The following SULT2B1 variants were observed in gnomAD, a reference collection of about 807,000 sequenced individuals.
SULT2B1 encodes sulfotransferase 2B1.
A neutral mutation model predicts 33.2 loss-of-function variants in SULT2B1; 16 were observed. The observed-to-expected ratio is 0.48, with a 90% CI of 0.33 to 0.73. The LOEUF is 0.73. Ranked by LOEUF, SULT2B1 falls within the 30% of genes least tolerant of loss-of-function variation. SULT2B1 has a pLI of 0.02. For synonymous variants in SULT2B1, 186 were observed against 200.5 expected, an observed-to-expected ratio of 0.93 and a Z score of 0.61; for missense variants, 500 against 506.0, an observed-to-expected ratio of 0.99 and a Z score of 0.11.
intron 1 of SULT2B1, among the ~76,000 whole-genome samples, chr19:48,555,682 C>T (rs1173868419): frequency 1.3e-5 from 2 of 152,010 alleles, no homozygotes; most frequent in African/African-American, 2.4e-5. Context: ...TCAAGTGATT[C>T]TCTTGCCTCA....
At chr19:48,560,727 G>C in intron 1 of SULT2B1, among the ~76,000 whole-genome samples, 1 of 152,052 alleles carries the variant, frequency 6.6e-6, no homozygotes, top group Non-Finnish European at 1.5e-5. Flanking sequence ...TTGGGAAGCC[G>C]AGACGTGTGG....
intron 1 of SULT2B1, among the ~76,000 whole-genome samples, chr19:48,564,963 G>C (rs1973226802): frequency 6.6e-6 from 1 of 151,902 alleles, no homozygotes. Context: ...GCTAATTTTT[G>C]TATTTTTAGT....
At chr19:48,561,815 T>C (rs559261427) in intron 1 of SULT2B1, among the ~76,000 whole-genome samples, 31 of 152,128 alleles carry the variant, frequency 2.0e-4, no homozygotes, top group Non-Finnish European at 3.7e-4. Flanking sequence ...CACTCCCCTC[T>C]TCTCCAAAAT....
At chr19:48,564,282 A>G (rs115235128) in intron 1 of SULT2B1, among the ~76,000 whole-genome samples, 1,596 of 151,522 alleles carry the variant, frequency 0.011, 25 homozygotes, top group African/African-American at 0.037. Context: ...GGTCGGGTGC[A>G]GTGGCTCACG....
At chr19:48,575,365 C>G (rs1200551656) in intron 1 of SULT2B1, among the ~76,000 whole-genome samples, 1 of 151,224 alleles carries the variant, frequency 6.6e-6, no homozygotes, top group African/African-American at 2.4e-5. Flanking sequence ...ACCTCCACCT[C>G]CTGACCTCGT....
chr19:48,573,023 G>A (rs1486823618), intron 1 of SULT2B1, among the ~76,000 whole-genome samples: 2 of 152,076 alleles, frequency 1.3e-5, no homozygotes, highest in Middle Eastern at 3.4e-3. Context: ...TGGGCGTGAC[G>A]ACAGGCACCT....
At chr19:48,582,913 G>A (rs1274016600) in intron 2 of SULT2B1, among the ~76,000 whole-genome samples, 1 of 150,234 alleles carries the variant, frequency 6.7e-6, no homozygotes, top group Admixed American at 6.6e-5. Context: ...AGCACTTTGG[G>A]AGGCCAAGGC....
At position 48,587,446 on chromosome 19, in the gene SULT2B1, G is replaced by A. The variant is rs1473574220; in HGVS notation, c.423+9G>A. ...TCAGCTCCAAGGCCAAGGTTGGGAG[G>A]AGGGGTGTGTGTCAGTTGGGAGGGG... On this transcript the variant is annotated intron_variant, in intron 3 of 6. Coordinates refer to ENST00000201586, the MANE Select transcript of SULT2B1 (RefSeq NM_177973.2). 1.9e-6 allele frequency: 3 copies of A among 1,614,014 alleles called. No individual in the cohort carries two copies. The African/African-American group carries it at 4.0e-5, about 22-fold the overall frequency.
chr19:48,564,037 A>T (rs1973212557), intron 1 of SULT2B1, among the ~76,000 whole-genome samples: 1 of 151,680 alleles, frequency 6.6e-6, no homozygotes, highest in African/African-American at 2.4e-5. Flanking sequence ...AAGTCAGGAG[A>T]TCGAGACCAT....
intron 2 of SULT2B1, among the ~76,000 whole-genome samples, chr19:48,581,819 C>A (rs572943329): frequency 6.6e-6 from 1 of 151,400 alleles, no homozygotes; most frequent in South Asian, 2.1e-4. Context: ...CAAATATTTT[C>A]TCCCAATCTA....
intron 1 of SULT2B1, among the ~76,000 whole-genome samples, chr19:48,561,671 G>A (rs919952130): frequency 1.3e-5 from 2 of 152,116 alleles, no homozygotes; most frequent in Admixed American, 6.6e-5. Flanking sequence ...TGGCAGCCCA[G>A]CTACAGTGGG....
intron 2 of SULT2B1, among the ~76,000 whole-genome samples, chr19:48,579,902 C>T (rs1973463939): frequency 6.6e-6 from 1 of 151,792 alleles, no homozygotes; most frequent in African/African-American, 2.4e-5. Context: ...CCACTGCTCT[C>T]GGCCTTGCAT....
At chr19:48,598,468 TGTAATCCCA>T (rs1351530289) in intron 6 of SULT2B1, among the ~76,000 whole-genome samples, 3 of 152,094 alleles carry the variant, frequency 2.0e-5, no homozygotes, top group African/African-American at 7.2e-5. Flanking sequence ...GGTGCGTGCC[TGTAATCCCA>T]GTTACTCGGG....
chr19:48,576,191 G>T, intron 2 of SULT2B1, 108 bp downstream of exon 2: 3 of 1,053,008 alleles, frequency 2.8e-6, no homozygotes, highest in Admixed American at 4.1e-5. Context: ...AGTGGGGCCG[G>T]GTCTGTTCAG....
At chr19:48,571,980 G>T (rs1053263359) in intron 1 of SULT2B1, among the ~76,000 whole-genome samples, 2 of 152,180 alleles carry the variant, frequency 1.3e-5, no homozygotes, top group Non-Finnish European at 2.9e-5. Flanking sequence ...AACCTCTCTG[G>T]GCCTCCATTT....
intron 2 of SULT2B1, among the ~76,000 whole-genome samples, chr19:48,578,051 T>TA (rs34622126): frequency 2.5e-4 from 37 of 149,180 alleles, no homozygotes; most frequent in South Asian, 1.9e-3. Flanking sequence ...ACCCCATCTC[T>TA]AAAAAAAAAA....
chr19:48,591,917 C>T (rs1034107570), intron 4 of SULT2B1, among the ~76,000 whole-genome samples, 182 bp downstream of exon 4: 5 of 151,682 alleles, frequency 3.3e-5, no homozygotes, highest in South Asian at 2.1e-4. Context: ...GCTGAGAGAC[C>T]GAAAGACACA....
At chr19:48,571,111 T>C (rs1341637800) in intron 1 of SULT2B1, among the ~76,000 whole-genome samples, 1 of 152,068 alleles carries the variant, frequency 6.6e-6, no homozygotes, top group Non-Finnish European at 1.5e-5. Context: ...AGCCTTGAAC[T>C]CTGGGCTCAA....
intron 5 of SULT2B1, among the ~76,000 whole-genome samples, chr19:48,593,729 C>T (rs60518504): frequency 6.6e-6 from 1 of 150,504 alleles, no homozygotes; most frequent in South Asian, 2.1e-4. Context: ...CCAACTCCCA[C>T]GTTCAAGCAA....
Sources: allele counts gnomAD v4.1 joint callset (sites outside exome capture counted in the v4.1 genomes callset), GRCh38; gene constraint gnomAD v4.1.1; transcripts MANE v1.5; gene names NCBI Gene and HGNC (gene_info 2026-07-23, HGNC 2026-07-21).